KLHL15: variants seen among roughly 807,000 people sequenced by gnomAD.
KLHL15 encodes the protein kelch-like protein 15.
A neutral mutation model predicts 29.3 loss-of-function variants in KLHL15; 1 was observed. That is an observed-to-expected ratio of 0.03 (90% CI 0.01 to 0.16). KLHL15 has a LOEUF of 0.16. Ranked by LOEUF, KLHL15 falls within the 10% of genes least tolerant of loss-of-function variation. KLHL15 has a pLI of 1.00. For synonymous variants in KLHL15, 212 were observed against 184.5 expected (o/e 1.15, Z -1.21); for missense variants, 215 against 478.5 (o/e 0.45, Z 5.14).
At chrX:24,012,865 G>C (rs1161980056) in intron 2 of KLHL15, among the ~76,000 whole-genome samples, 1 of 111,221 alleles carries the variant, frequency 9.0e-6, no homozygotes, top group Non-Finnish European at 1.9e-5. Flanking sequence ...CACATTAAAG[G>C]TTCACTTATC....
chrX:24,019,552 G>A (rs146475506), intron 2 of KLHL15, among the ~76,000 whole-genome samples: 110 of 111,000 alleles, frequency 9.9e-4, no homozygotes, highest in African/African-American at 3.4e-3. Context: ...CACCAAGCCC[G>A]GCCCCCACTA....
chrX:24,017,779 C>CA (rs531099917), intron 2 of KLHL15, among the ~76,000 whole-genome samples: 2,919 of 42,388 alleles, frequency 0.069, 152 homozygotes, highest in African/African-American at 0.099. Flanking sequence ...GACCATGTCC[C>CA]AAAAAAAAAA....
At chrX:24,019,751 C>G (rs1929767816) in intron 2 of KLHL15, among the ~76,000 whole-genome samples, 1 of 111,653 alleles carries the variant, frequency 9.0e-6, no homozygotes, top group Non-Finnish European at 1.9e-5. Flanking sequence ...TTGAACACTT[C>G]AAACTCTCTA....
rs771837300 is a variant in KLHL15, at chrX:23,988,224, G to A, written c.1512C>T (p.Phe504=). 7 of 1,211,210 alleles carry A rather than the reference G, an allele frequency of 5.8e-6. No homozygotes were observed. Among genetic ancestry groups the A allele is most frequent in the Admixed American group, 4.3e-5 (2 of 46,010 alleles). Residue 504 remains phenylalanine (F), a synonymous_variant, in exon 4 of 4, where the codon TTC becomes TTT. Transcript: ENST00000328046. ...CTGTAGAAGGGCATCCCTGAGATTC[G>A]AAAGAGGCCCTCAAGATCACACAGA... ...GGVCVILRAS[F]ESQGCPSTEV... is the part of the protein sequence containing the mutation.
At chrX:23,997,326 T>TGAG (rs1396728544) in intron 3 of KLHL15, among the ~76,000 whole-genome samples, 1 of 112,045 alleles carries the variant, frequency 8.9e-6, no homozygotes, top group African/African-American at 3.2e-5. Context: ...TAGTCCCAGC[T>TGAG]ACTCAGGAGG....
In KLHL15 at chrX:24,024,976, C is replaced by A. The variant is rs928359729; in HGVS notation, c.-127G>T. The A allele has an allele frequency of 2.4e-5, 7 of 297,338 alleles. No homozygotes were observed. Among genetic ancestry groups the A allele is most frequent in the Non-Finnish European group, 4.1e-5 (7 of 170,052 alleles). 24.5% of individuals were successfully genotyped at this position (297,338 alleles called of 1,213,427 possible). On this transcript the variant is annotated 5_prime_UTR_variant, in exon 2 of 4. Coordinates refer to ENST00000328046, the MANE Select transcript of KLHL15 (RefSeq NM_030624.3). ...GGCACTCGGCAGGCTCCTCGGACGT[C>A]TACGAGCAGCCGCTCCCGGCACGAG...
intron 3 of KLHL15, among the ~76,000 whole-genome samples, chrX:23,992,831 C>A (rs1430262731): frequency 8.9e-6 from 1 of 111,990 alleles, no homozygotes; most frequent in African/African-American, 3.2e-5. Flanking sequence ...AAATTGGGCA[C>A]ATAAAACAAG....
chrX:23,987,364 C>T lies in KLHL15; in HGVS notation c.*557G>A, dbSNP rs1348598875. The T allele has an allele frequency of 1.8e-5, 2 of 111,841 alleles. No homozygotes were observed. Among genetic ancestry groups the T allele is most frequent in the Admixed American group, 9.5e-5 (1 of 10,488 alleles). 9.2% of individuals were successfully genotyped at this position (111,841 alleles called of 1,213,427 possible). A position where few individuals can be genotyped will look rare whatever the true frequency, so the allele number is the denominator to read the frequency against. ...TGAATATGCTTTCACTAACACAATG[C>T]GGATAAGAGAAGGCAGCTTAGAAAT... is the stretch of plus-strand genomic sequence containing the variant. On this transcript the variant is annotated 3_prime_UTR_variant, in exon 4 of 4. Transcript: ENST00000328046.
chrX:24,024,364 C>G (rs1218840547), intron 2 of KLHL15, among the ~76,000 whole-genome samples: 1 of 112,080 alleles, frequency 8.9e-6, no homozygotes, highest in East Asian at 2.8e-4. Flanking sequence ...TTACAACACT[C>G]TACAGTTAAG....
At chrX:24,025,569 C>A (rs1311611496) in intron 1 of KLHL15, among the ~76,000 whole-genome samples, 3 of 108,659 alleles carry the variant, frequency 2.8e-5, no homozygotes, top group Non-Finnish European at 3.9e-5. Context: ...CCCGGGAGGC[C>A]CCCCCCTCGG....
chrX:24,022,343 A>T (rs1233110069), intron 2 of KLHL15, among the ~76,000 whole-genome samples: 1 of 77,430 alleles, frequency 1.3e-5, no homozygotes, highest in South Asian at 6.2e-4. Context: ...TCAAAAGATA[A>T]AAAAAAAAAA....
intron 2 of KLHL15, among the ~76,000 whole-genome samples, chrX:24,021,214 A>G (rs1038975119): frequency 1.1e-4 from 12 of 111,417 alleles, no homozygotes; most frequent in African/African-American, 3.3e-4. Context: ...GGCAATAATA[A>G]TAATCTTATA....
chrX:24,007,504 AAAAAATATATATATAT>A (rs1164556455), intron 2 of KLHL15, among the ~76,000 whole-genome samples: 2 of 54,973 alleles, frequency 3.6e-5, no homozygotes, highest in African/African-American at 1.8e-4. Flanking sequence ...AAAAAAAAAA[AAAAAATATATATATAT>A]ATATATATAT....
chrX:24,002,241 A>C (rs1368692986), intron 3 of KLHL15, among the ~76,000 whole-genome samples: 1 of 112,585 alleles, frequency 8.9e-6, no homozygotes, highest in Non-Finnish European at 1.9e-5. Context: ...ATTGTTTTTT[A>C]AAAATCAAAG....
Position 23,985,474 on chromosome X carries a change from T to C in KLHL15, c.*2447A>G, listed in dbSNP as rs1928969274. On this transcript the variant is annotated 3_prime_UTR_variant, in exon 4 of 4. Coordinates refer to ENST00000328046, the MANE Select transcript of KLHL15 (RefSeq NM_030624.3). ...TTAGAACTACATATAAACAGGGAGT[T>C]TTCTCATACATTCAGAACCCAAGCA... 8.9e-6 allele frequency: 1 copy of C among 112,175 alleles called. No individual in the cohort carries two copies. Among genetic ancestry groups the C allele is most frequent in the South Asian group, 3.7e-4 (1 of 2,734 alleles). The allele number at this position is 112,175 out of a possible 1,213,427, so 9.2% of individuals were successfully genotyped here.
chrX:24,006,311 A>G lies in KLHL15; in HGVS notation c.383T>C (p.Ile128Thr). ...KFCCSFLLAKICLENCAEIMR... is the reference protein window; with the variant it reads ...KFCCSFLLAKTCLENCAEIMR... Reference sequence around the variant, plus strand: ...AATTTCTGCACAATTTTCTAGGCAGATCTTCGCTAAGAGAAAAGAGCAGCA... The same window carrying G: ...AATTTCTGCACAATTTTCTAGGCAGGTCTTCGCTAAGAGAAAAGAGCAGCA... Residue 128 changes from isoleucine to threonine, a missense_variant, in exon 3 of 4, where the codon ATC becomes ACC. Physicochemically the swap from Ile to Thr is moderately conservative, Grantham distance 89. Transcript: ENST00000328046. The G allele has an allele frequency of 8.3e-7, 1 of 1,211,722 alleles. No homozygotes were observed. Among genetic ancestry groups the G allele is most frequent in the South Asian group, 1.8e-5 (1 of 56,995 alleles).
intron 3 of KLHL15, among the ~76,000 whole-genome samples, chrX:24,004,686 A>G (rs1248655788): frequency 1.8e-5 from 2 of 108,502 alleles, no homozygotes; most frequent in African/African-American, 6.7e-5. Flanking sequence ...GCTACTCGGG[A>G]GGCTGAGGCA....
intron 2 of KLHL15, among the ~76,000 whole-genome samples, chrX:24,022,582 G>A (rs375236324): frequency 1.9e-5 from 2 of 106,477 alleles, no homozygotes; most frequent in Non-Finnish European, 3.9e-5. Context: ...TCCAATGAGC[G>A]GGGATCGGAT....
At chrX:24,021,041 A>T (rs941420121) in intron 2 of KLHL15, among the ~76,000 whole-genome samples, 1 of 111,798 alleles carries the variant, frequency 8.9e-6, no homozygotes, top group African/African-American at 3.2e-5. Context: ...GTCTTACGTT[A>T]AAAACAGAAA....
Sources: allele counts gnomAD v4.1 joint callset (sites outside exome capture counted in the v4.1 genomes callset), GRCh38; gene constraint gnomAD v4.1.1; transcripts MANE v1.5; gene names NCBI Gene and HGNC (gene_info 2026-07-23, HGNC 2026-07-21).